The following KHDRBS3 variants were observed in gnomAD, a reference collection of about 807,000 sequenced individuals.
KHDRBS3 encodes the protein KH RNA binding domain containing, signal transduction associated 3, also known as KH domain-containing, RNA-binding, signal transduction-associated protein 3.
Under a neutral mutation model 45.6 loss-of-function variants are expected in KHDRBS3, and 23 were observed. The observed-to-expected ratio is 0.50, with a 90% CI of 0.36 to 0.72. The LOEUF (loss-of-function observed/expected upper bound fraction) is 0.72, where lower values mean the gene tolerates loss of function less well. KHDRBS3 is among the 30% of genes least tolerant of loss of function. The pLI, the probability that KHDRBS3 is intolerant of heterozygous loss-of-function variation, is 0.00. For synonymous variants in KHDRBS3, 162 were observed against 156.5 expected (o/e 1.04, Z -0.26); for missense variants, 352 against 424.8 (o/e 0.83, Z 1.51).
chr8:135,501,848 TC>T (rs1301517057), intron 1 of KHDRBS3, among the ~76,000 whole-genome samples: 2 of 152,168 alleles, frequency 1.3e-5, no homozygotes, highest in Non-Finnish European at 2.9e-5. Flanking sequence ...GTATAGTAAT[TC>T]TCGCTTTTTG....
intron 6 of KHDRBS3, among the ~76,000 whole-genome samples, chr8:135,604,663 A>G (rs1586791162): frequency 6.6e-6 from 1 of 151,876 alleles, no homozygotes; most frequent in East Asian, 1.9e-4. Flanking sequence ...TTGTCTTATT[A>G]CTGTCATACA....
At chr8:135,508,134 T>G (rs1053933769) in intron 1 of KHDRBS3, among the ~76,000 whole-genome samples, 7 of 152,210 alleles carry the variant, frequency 4.6e-5, no homozygotes, top group Non-Finnish European at 8.8e-5. Context: ...GAAACTGATG[T>G]AAAAATGTAT....
intron 7 of KHDRBS3, among the ~76,000 whole-genome samples, chr8:135,617,438 C>T (rs1263399139): frequency 6.6e-6 from 1 of 152,050 alleles, no homozygotes; most frequent in African/African-American, 2.4e-5. Flanking sequence ...CCACCACACC[C>T]AGCTAATTTT....
At chr8:135,540,944 C>T (rs1826019377) in intron 2 of KHDRBS3, 1 of 152,202 alleles carries the variant, frequency 6.6e-6, no homozygotes, top group Admixed American at 6.5e-5. Context: ...GAAGGGGAGA[C>T]TCTTGGAAGA....
At chr8:135,469,531 T>TTTTG (rs1821894990) in intron 1 of KHDRBS3, among the ~76,000 whole-genome samples, 2 of 48,744 alleles carry the variant, frequency 4.1e-5, no homozygotes, top group East Asian at 5.2e-4. Context: ...TGGTTTTTTT[T>TTTTG]TTTTTTTTTT....
At chr8:135,563,824 G>T (rs1440832663) in intron 5 of KHDRBS3, among the ~76,000 whole-genome samples, 1 of 152,232 alleles carries the variant, frequency 6.6e-6, no homozygotes, top group East Asian at 1.9e-4. Context: ...TGGCTTCTGT[G>T]CTGCTTTTCC....
At chr8:135,493,171 G>A (rs1468763020) in intron 1 of KHDRBS3, among the ~76,000 whole-genome samples, 6 of 151,650 alleles carry the variant, frequency 4.0e-5, no homozygotes, top group East Asian at 1.9e-4. Context: ...TCCGCCTCCC[G>A]GGTTCACACC....
At chr8:135,590,917 G>T (rs939441604) in intron 6 of KHDRBS3, among the ~76,000 whole-genome samples, 3 of 152,160 alleles carry the variant, frequency 2.0e-5, no homozygotes, top group Non-Finnish European at 4.4e-5. Context: ...AGCATTTGAG[G>T]CTGAGCTGAT....
At chr8:135,537,482 A>G (rs1050880426) in intron 2 of KHDRBS3, among the ~76,000 whole-genome samples, 23 of 152,216 alleles carry the variant, frequency 1.5e-4, no homozygotes, top group Admixed American at 1.5e-3. Flanking sequence ...ACCAGTGAAT[A>G]ATATAATTAT....
chr8:135,524,197 G>A (rs1453083064), intron 2 of KHDRBS3, among the ~76,000 whole-genome samples: 2 of 152,016 alleles, frequency 1.3e-5, no homozygotes, highest in African/African-American at 4.8e-5. Flanking sequence ...TGTATTTTTG[G>A]TAGAGATGAG....
chr8:135,496,848 C>CT (rs1196147668), intron 1 of KHDRBS3, among the ~76,000 whole-genome samples: 1 of 152,236 alleles, frequency 6.6e-6, no homozygotes, highest in African/African-American at 2.4e-5. Flanking sequence ...TCTTGGCCAA[C>CT]TAGCTTGCCT....
At chr8:135,608,673 A>G (rs1174290962) in intron 7 of KHDRBS3, among the ~76,000 whole-genome samples, 8 of 152,182 alleles carry the variant, frequency 5.3e-5, no homozygotes, top group Admixed American at 5.2e-4. Flanking sequence ...TATGGGATGT[A>G]TATACAGTTA....
chr8:135,506,875 A>G (rs1162526164), intron 1 of KHDRBS3, among the ~76,000 whole-genome samples: 5 of 127,774 alleles, frequency 3.9e-5, no homozygotes, highest in Admixed American at 8.3e-5. Flanking sequence ...TACATAATAT[A>G]CAAAACTACT....
intron 7 of KHDRBS3, among the ~76,000 whole-genome samples, chr8:135,628,968 C>A (rs1432346312): frequency 6.6e-6 from 1 of 152,212 alleles, no homozygotes; most frequent in Non-Finnish European, 1.5e-5. Flanking sequence ...ATAATCATTT[C>A]TCTCAGATGA....
intron 7 of KHDRBS3, among the ~76,000 whole-genome samples, chr8:135,628,615 T>G (rs1421669694): frequency 6.6e-6 from 1 of 152,242 alleles, no homozygotes; most frequent in Non-Finnish European, 1.5e-5. Flanking sequence ...TTGCATGTCT[T>G]TGTGTCTCAT....
intron 1 of KHDRBS3, among the ~76,000 whole-genome samples, chr8:135,496,464 C>T (rs1823454451): frequency 6.6e-6 from 1 of 151,990 alleles, no homozygotes; most frequent in Non-Finnish European, 1.5e-5. Context: ...AACTCCTGAC[C>T]TCAGGTGACC....
At chr8:135,546,923 G>C (rs1420825820) in intron 3 of KHDRBS3, among the ~76,000 whole-genome samples, 2 of 152,032 alleles carry the variant, frequency 1.3e-5, no homozygotes, top group African/African-American at 4.8e-5. Context: ...AATCCTCTCT[G>C]TCCAGCTTAA....
chr8:135,568,158 A>T (rs938242727), intron 5 of KHDRBS3, among the ~76,000 whole-genome samples: 4 of 152,200 alleles, frequency 2.6e-5, no homozygotes, highest in Non-Finnish European at 5.9e-5. Flanking sequence ...AAGAATATTA[A>T]AATACTTTAA....
intron 1 of KHDRBS3, among the ~76,000 whole-genome samples, chr8:135,509,973 C>CTTTTT (rs1326914089): frequency 7.1e-6 from 1 of 141,510 alleles, no homozygotes; most frequent in African/African-American, 2.8e-5. Flanking sequence ...TTTCCCCCCC[C>CTTTTT]CTTTTTTTTT....
Sources: allele counts gnomAD v4.1 joint callset (sites outside exome capture counted in the v4.1 genomes callset), GRCh38; gene constraint gnomAD v4.1.1; transcripts MANE v1.5; gene names NCBI Gene and HGNC (gene_info 2026-07-23, HGNC 2026-07-21).